Variants in TRNAU1AP observed in about 807,000 individuals in gnomAD.
TRNAU1AP encodes tRNA selenocysteine 1 associated protein 1, also known as tRNA selenocysteine 1-associated protein 1.
TRNAU1AP carries 33 observed loss-of-function variants against 43.3 expected under a neutral mutation model. The observed-to-expected ratio is 0.76, with a 90% confidence interval of 0.58 to 1.02. The LOEUF is 1.02. TRNAU1AP is among the 50% of genes least tolerant of loss of function. The pLI is 0.00. For missense variants in TRNAU1AP, 290 were observed against 362.7 expected (o/e 0.80, Z 1.63); for synonymous variants, 143 against 129.1 (o/e 1.11, Z -0.73).
At chr1:28,554,222 A>AAAAAAAAAAAAC (rs1553121340) in intron 2 of TRNAU1AP, among the ~76,000 whole-genome samples, 1 of 142,736 alleles carries the variant, frequency 7.0e-6, no homozygotes, top group African/African-American at 2.9e-5. Context: ...ACAAAAAAAC[A>AAAAAAAAAAAAC]AAAAACGCAG....
chr1:28,557,224 C>G (rs1665284522), intron 2 of TRNAU1AP, among the ~76,000 whole-genome samples: 1 of 151,292 alleles, frequency 6.6e-6, no homozygotes, highest in East Asian at 2.0e-4. Flanking sequence ...TCGAGACCAT[C>G]CTGGCTAACA....
At chr1:28,569,477 G>T (rs554965383) in intron 6 of TRNAU1AP, among the ~76,000 whole-genome samples, 3 of 151,750 alleles carry the variant, frequency 2.0e-5, no homozygotes, top group Non-Finnish European at 2.9e-5. Context: ...GGATCACAAG[G>T]TCAGGAGATC....
intron 2 of TRNAU1AP, among the ~76,000 whole-genome samples, chr1:28,557,216 G>A (rs1278962426): frequency 2.6e-5 from 4 of 151,360 alleles, no homozygotes; most frequent in South Asian, 2.1e-4. Context: ...TCAGGAGATC[G>A]AGACCATCCT....
In TRNAU1AP at chr1:28,553,165, G is replaced by A. The variant is rs200533840; in HGVS notation, c.27+28G>A. 24 of 1,484,336 alleles carry A rather than the reference G, an allele frequency of 1.6e-5. No homozygotes were observed. The East Asian group carries it at 6.0e-4, about 37-fold the overall frequency. The allele number at this position is 1,484,336 out of a possible 1,614,324, so 91.9% of individuals were successfully genotyped here. On this transcript the variant is annotated intron_variant, in intron 1 of 8. Coordinates refer to ENST00000373830, the MANE Select transcript of TRNAU1AP (RefSeq NM_017846.5). ...GAGTGAGGGCAGCCGTCCGGGGTCT[G>A]AAGACAAGGAAGCATCTCGGTTTCG...
intron 8 of TRNAU1AP, 43 bp from the exon 9 acceptor site, chr1:28,577,457 C>A: frequency 6.2e-7 from 1 of 1,603,722 alleles, no homozygotes; most frequent in South Asian, 1.1e-5. Flanking sequence ...TCCCTTGCAG[C>A]TGTCCCTAGA....
chr1:28,571,163 G>C lies in TRNAU1AP; in HGVS notation c.531-13G>C, dbSNP rs367794323. The stretch of plus-strand genomic sequence containing the variant: ...TTTGCTTACACTTATTTTTGTTTCT[G>C]TCTTCATTTAAGGAGCCGTGTAAAG... On this transcript the variant is annotated splice_polypyrimidine_tract_variant and intron_variant, in intron 6 of 8. Coordinates refer to ENST00000373830, the MANE Select transcript of TRNAU1AP (RefSeq NM_017846.5). 6.2e-7 allele frequency: 1 copy of C among 1,612,812 alleles called. No individual in the cohort carries two copies. Among genetic ancestry groups the C allele is most frequent in the Non-Finnish European group, 8.5e-7 (1 of 1,179,372 alleles).
rs921823894 is a variant in TRNAU1AP at position 28,553,837 on chromosome 1, A to G, written c.125+100A>G. The G allele has an allele frequency of 4.8e-6, 5 of 1,033,852 alleles. No homozygotes were observed. The African/African-American group carries it at 8.0e-5, about 17-fold the overall frequency. The allele number at this position is 1,033,852 out of a possible 1,614,324, so 64.0% of individuals were successfully genotyped here. A position where few individuals can be genotyped will look rare whatever the true frequency, so the allele number is the denominator to read the frequency against. On this transcript the variant is annotated intron_variant, in intron 2 of 8. Transcript: ENST00000373830. ...ATGGCTTCTCACTACCCCTAGTAAT[A>G]GTCACTGTAAAATTATAACAGCTAA...
chr1:28,559,181 C>G (rs1185438967), intron 2 of TRNAU1AP, among the ~76,000 whole-genome samples: 1 of 152,020 alleles, frequency 6.6e-6, no homozygotes, highest in Non-Finnish European at 1.5e-5. Context: ...AAGCAATTCT[C>G]CTGCCTCAGC....
intron 8 of TRNAU1AP, 133 bp downstream of exon 8, chr1:28,572,033 G>A (rs1449646719): frequency 1.2e-6 from 1 of 806,014 alleles, no homozygotes; most frequent in African/African-American, 1.7e-5. Flanking sequence ...TAGAGAGCCA[G>A]ACAAATATGT....
intron 2 of TRNAU1AP, among the ~76,000 whole-genome samples, chr1:28,556,710 G>A (rs1185004345): frequency 3.3e-5 from 5 of 151,794 alleles, no homozygotes. Flanking sequence ...TTGAGACGGA[G>A]TCTCGCTCTG....
At chr1:28,569,675 G>A (rs964671595) in intron 6 of TRNAU1AP, among the ~76,000 whole-genome samples, 1 of 144,962 alleles carries the variant, frequency 6.9e-6, no homozygotes, top group Non-Finnish European at 1.5e-5. Flanking sequence ...CTGGGTGACA[G>A]TGTGAGACTC....
At chr1:28,564,596 G>A in intron 4 of TRNAU1AP, 107 bp from the exon 5 acceptor site, 1 of 1,406,424 alleles carries the variant, frequency 7.1e-7, no homozygotes, top group Non-Finnish European at 9.6e-7. Flanking sequence ...CCCATCAAAT[G>A]TTTTCCTTAA....
intron 8 of TRNAU1AP, among the ~76,000 whole-genome samples, chr1:28,577,077 C>G (rs536151661): frequency 1.2e-4 from 19 of 152,126 alleles, no homozygotes; most frequent in Admixed American, 2.0e-4. Flanking sequence ...AAAGTACATA[C>G]ACACACACAT....
chr1:28,577,698 A>T lies in TRNAU1AP; in HGVS notation c.*62A>T. 1 of 1,516,126 alleles carries T rather than the reference A, an allele frequency of 6.6e-7. No homozygotes were observed. 93.9% of individuals were successfully genotyped at this position (1,516,126 alleles called of 1,614,324 possible). ...GGAGATGAGAGACTCCTTTTTAAAA[A>T]TTGTGAAACCTTTTTGGAAATATGA... is the stretch of plus-strand genomic sequence containing the variant. On this transcript the variant is annotated 3_prime_UTR_variant, in exon 9 of 9. Coordinates refer to ENST00000373830, the MANE Select transcript of TRNAU1AP (RefSeq NM_017846.5).
chr1:28,559,875 T>C (rs992704502), intron 2 of TRNAU1AP, among the ~76,000 whole-genome samples: 3 of 152,166 alleles, frequency 2.0e-5, no homozygotes, highest in African/African-American at 7.2e-5. Flanking sequence ...CTCATGCCTG[T>C]AATCCCGGAA....
intron 4 of TRNAU1AP, 141 bp from the exon 5 acceptor site, chr1:28,564,562 C>CA: frequency 2.0e-6 from 2 of 1,009,148 alleles, no homozygotes; most frequent in Non-Finnish European, 2.8e-6. Flanking sequence ...TCTGATGAAA[C>CA]AAAGTAGGGG....
At chr1:28,556,687 G>T (rs981520335) in intron 2 of TRNAU1AP, among the ~76,000 whole-genome samples, 6 of 151,064 alleles carry the variant, frequency 4.0e-5, no homozygotes, top group African/African-American at 7.3e-5. Flanking sequence ...CATTTTTTTT[G>T]TTTGTTTGTT....
intron 6 of TRNAU1AP, among the ~76,000 whole-genome samples, chr1:28,570,310 C>T (rs1181509689): frequency 6.6e-5 from 10 of 151,892 alleles, no homozygotes; most frequent in Admixed American, 1.3e-4. Flanking sequence ...TCCAGTGGCA[C>T]AATCTAGGCC....
chr1:28,555,190 A>G (rs1665231091), intron 2 of TRNAU1AP, among the ~76,000 whole-genome samples: 1 of 150,908 alleles, frequency 6.6e-6, no homozygotes, highest in Non-Finnish European at 1.5e-5. Context: ...AGATCGCGCC[A>G]TTGCACTCCA....
Sources: allele counts gnomAD v4.1 joint callset (sites outside exome capture counted in the v4.1 genomes callset), GRCh38; gene constraint gnomAD v4.1.1; transcripts MANE v1.5; gene names NCBI Gene and HGNC (gene_info 2026-07-23, HGNC 2026-07-21).